The following RALGAPA1 variants were observed in gnomAD, a reference collection of about 807,000 sequenced individuals.
The protein encoded by RALGAPA1 is ral GTPase-activating protein subunit alpha-1.
Under a neutral mutation model 269.6 loss-of-function variants are expected in RALGAPA1, and 52 were observed. The observed-to-expected ratio is 0.19, with a 90% CI of 0.15 to 0.24. The LOEUF (loss-of-function observed/expected upper bound fraction) is 0.24. RALGAPA1 is among the 10% of genes least tolerant of loss of function. The pLI is 1.00. For synonymous variants in RALGAPA1, 817 were observed against 1,008.3 expected (o/e 0.81, Z 3.60); for missense variants, 1,917 against 3,013.9 (o/e 0.64, Z 8.52).
chr14:35,768,118 A>C (rs2141452809), intron 4 of RALGAPA1, among the ~76,000 whole-genome samples: 1 of 152,216 alleles, frequency 6.6e-6, no homozygotes, highest in Non-Finnish European at 1.5e-5. Flanking sequence ...TGTCACCCCA[A>C]TTGGAGTGTA....
chr14:35,777,634 C>T (rs1460895589), intron 1 of RALGAPA1, among the ~76,000 whole-genome samples: 1 of 152,186 alleles, frequency 6.6e-6, no homozygotes, highest in African/African-American at 2.4e-5. Context: ...ACAATCTCGG[C>T]TCCCTGCAAC....
At chr14:35,603,346 T>C (rs1566796705) in intron 36 of RALGAPA1, among the ~76,000 whole-genome samples, 1 of 152,178 alleles carries the variant, frequency 6.6e-6, no homozygotes, top group Non-Finnish European at 1.5e-5. Context: ...CATTTTCACA[T>C]ACATAAGCTC....
intron 29 of RALGAPA1, 30 bp from the exon 30 acceptor site, chr14:35,654,507 T>C (rs1231531523): frequency 1.3e-6 from 2 of 1,563,174 alleles, no homozygotes; most frequent in Non-Finnish European, 1.7e-6. Flanking sequence ...GTTTTAAAAA[T>C]TTTCATGATG....
chr14:35,636,238 T>A (rs2061657315), intron 31 of RALGAPA1, among the ~76,000 whole-genome samples: 1 of 152,142 alleles, frequency 6.6e-6, no homozygotes, highest in Admixed American at 6.5e-5. Flanking sequence ...ATGAATGCTA[T>A]AAACAGGTCA....
chr14:35,719,157 C>T (rs1242385934), intron 16 of RALGAPA1, among the ~76,000 whole-genome samples: 6 of 152,006 alleles, frequency 3.9e-5, no homozygotes, highest in African/African-American at 9.7e-5. Context: ...GGTGAAATCC[C>T]ATCTCTACTA....
chr14:35,657,080 AC>A (rs1159563743), intron 28 of RALGAPA1, among the ~76,000 whole-genome samples: 1 of 151,448 alleles, frequency 6.6e-6, no homozygotes, highest in African/African-American at 2.4e-5. Context: ...AGTTTCCTAC[AC>A]CCCCCCTCCA....
intron 39 of RALGAPA1, 78 bp downstream of exon 39, chr14:35,570,539 T>A: frequency 8.5e-7 from 1 of 1,178,836 alleles, no homozygotes. Flanking sequence ...TAAAAGGCTT[T>A]AACAATATAT....
In RALGAPA1 at chr14:35,665,548, C is replaced by T. The variant is rs145735614; in HGVS notation, c.5203-781G>A. ...ATTCACATAAATTAAGAACCAACCTCCAAGAGGATTTCCACATCTGAATAA... is the reference window on the plus strand; with the variant it reads ...ATTCACATAAATTAAGAACCAACCTTCAAGAGGATTTCCACATCTGAATAA... On this transcript the variant is annotated intron_variant, in intron 26 of 41. Coordinates refer to ENST00000680220, the MANE Select transcript of RALGAPA1 (RefSeq NM_001346249.2). 1.2e-4 allele frequency among the ~76,000 whole-genome samples: 18 copies of T among 152,160 alleles called. 1 individual carries two copies. Among genetic ancestry groups the T allele is most frequent in the African/African-American group, 3.9e-4 (16 of 41,520 alleles).
intron 6 of RALGAPA1, 34 bp from the exon 7 acceptor site, chr14:35,756,942 A>C (rs760415000): frequency 5.4e-6 from 8 of 1,485,062 alleles, no homozygotes; most frequent in African/African-American, 1.4e-5. Context: ...ATATAGTTAC[A>C]AAACAAATTT....
At chr14:35,571,703 AACCACCACCACC>A (rs528167038) in intron 38 of RALGAPA1, among the ~76,000 whole-genome samples, 1 of 151,382 alleles carries the variant, frequency 6.6e-6, no homozygotes, top group African/African-American at 2.4e-5. Flanking sequence ...ACCAAAACAA[AACCACCACCACC>A]ACCACCACCA....
At chr14:35,717,703 G>A (rs955626715) in intron 16 of RALGAPA1, among the ~76,000 whole-genome samples, 6 of 151,840 alleles carry the variant, frequency 4.0e-5, no homozygotes, top group African/African-American at 4.8e-5. Context: ...GACTACAGGC[G>A]TGTACTACAA....
intron 1 of RALGAPA1, among the ~76,000 whole-genome samples, chr14:35,792,640 G>A (rs1243928337): frequency 6.6e-6 from 1 of 151,774 alleles, no homozygotes; most frequent in Non-Finnish European, 1.5e-5. Flanking sequence ...AAAACTAGCC[G>A]GGTATGGCGG....
At chr14:35,791,494 C>A (rs2076164806) in intron 1 of RALGAPA1, among the ~76,000 whole-genome samples, 1 of 151,948 alleles carries the variant, frequency 6.6e-6, no homozygotes, top group African/African-American at 2.4e-5. Context: ...GTAATCCCAG[C>A]AACTCGGGAG....
rs1421405198 is a variant in RALGAPA1, at chr14:35,742,514, C to T, written c.1303G>A (p.Val435Ile). The T allele has an allele frequency of 4.4e-6, 7 of 1,608,172 alleles. No individual in the cohort carries two copies. Among genetic ancestry groups the T allele is most frequent in the Non-Finnish European group, 6.0e-6 (7 of 1,175,574 alleles). Reference sequence around the variant, plus strand: ...TCTTGTTGGATCCATTCTTGATATACTTTTACCACTTTTCTCATAGCTGCT... The same window carrying T: ...TCTTGTTGGATCCATTCTTGATATATTTTTACCACTTTTCTCATAGCTGCT... ...EAAAMRKVVK[V>I]YQEWIQQEEK... Residue 435 changes from valine (V) to isoleucine (I), a missense_variant, in exon 11 of 42, where the codon GTA becomes ATA. Val to Ile is a conservative substitution (Grantham distance 29). Around this residue, in one of 11 missense-constraint regions of RALGAPA1, gnomAD observed 462 missense variants for 725.6 expected, o/e 0.64. Coordinates refer to ENST00000680220, the MANE Select transcript of RALGAPA1 (RefSeq NM_001346249.2).
chr14:35,595,086 T>TAA lies in RALGAPA1; in HGVS notation c.7209+546_7209+547dup, dbSNP rs879597721. Reference sequence around the variant, plus strand: ...CATGGTATCACTTATATGTGGAATCTAAAAAAAAAAAACAAAGGAGAAAAT... The same window carrying TAA: ...CATGGTATCACTTATATGTGGAATCTAAAAAAAAAAAAAACAAAGGAGAAAAT... On this transcript the variant is annotated intron_variant, in intron 37 of 41. Coordinates refer to ENST00000680220, the MANE Select transcript of RALGAPA1 (RefSeq NM_001346249.2). 4.8e-4 allele frequency among the ~76,000 whole-genome samples: 67 copies of TAA among 140,590 alleles called. 1 individual carries two copies. The highest frequency in any genetic ancestry group is 1.5e-3 in the African/African-American group (57 of 38,526). The allele number at this position is 140,590 out of a possible 152,430, so 92.2% of individuals were successfully genotyped here.
intron 28 of RALGAPA1, among the ~76,000 whole-genome samples, chr14:35,657,423 C>T (rs533591009): frequency 2.6e-5 from 4 of 151,946 alleles, no homozygotes; most frequent in Non-Finnish European, 5.9e-5. Context: ...CTCCTGACCT[C>T]AGGTGATCCA....
At chr14:35,650,003 T>A (rs1201583682) in intron 31 of RALGAPA1, among the ~76,000 whole-genome samples, 2 of 152,212 alleles carry the variant, frequency 1.3e-5, no homozygotes, top group African/African-American at 4.8e-5. Context: ...GAACAAGTAG[T>A]TATCCAGAAA....
chr14:35,668,464 C>A (rs1265156939), intron 26 of RALGAPA1, among the ~76,000 whole-genome samples: 2 of 150,186 alleles, frequency 1.3e-5, no homozygotes, highest in African/African-American at 4.9e-5. Flanking sequence ...GTCCGAGTGA[C>A]AGAGACAGAT....
In RALGAPA1 at chr14:35,751,424, G is replaced by A. The variant is rs551786946; in HGVS notation, c.802+600C>T. Among the ~76,000 whole-genome samples, 7 of 152,138 alleles carry A rather than the reference G, an allele frequency of 4.6e-5. No homozygotes were observed. In the East Asian group the frequency reaches 5.8e-4, roughly 13 times the overall value. Reference sequence around the variant, plus strand: ...CAAGAATTCAGTTTAATTTACAATCGCAAATATTTCTGGTGGGCTAACTTT... The same window carrying A: ...CAAGAATTCAGTTTAATTTACAATCACAAATATTTCTGGTGGGCTAACTTT... On this transcript the variant is annotated intron_variant, in intron 8 of 41. Coordinates refer to ENST00000680220, the MANE Select transcript of RALGAPA1 (RefSeq NM_001346249.2).
Sources: allele counts gnomAD v4.1 joint callset (sites outside exome capture counted in the v4.1 genomes callset), GRCh38; gene constraint gnomAD v4.1.1; regional missense constraint gnomAD v4.1.1; transcripts MANE v1.5; gene names NCBI Gene and HGNC (gene_info 2026-07-23, HGNC 2026-07-21).